Variants in IFT74 observed in about 807,000 individuals in gnomAD.
IFT74 encodes the protein intraflagellar transport 74.
IFT74 carries 92 observed loss-of-function variants against 96.7 expected under a neutral mutation model. The ratio of observed to expected loss-of-function variants is 0.95; its 90% confidence interval spans 0.80 to 1.13. IFT74 has a LOEUF of 1.13. IFT74 is among the 50% of genes most tolerant of loss of function. The pLI, the probability that IFT74 is intolerant of heterozygous loss-of-function variation, is 0.00. For missense variants in IFT74, 811 were observed against 698.2 expected (o/e 1.16, Z -1.82); for synonymous variants, 223 against 213.2 (o/e 1.05, Z -0.40).
intron 2 of IFT74, among the ~76,000 whole-genome samples, chr9:26,966,054 C>T (rs1826597162): frequency 6.6e-6 from 1 of 151,262 alleles, no homozygotes; most frequent in Non-Finnish European, 1.5e-5. Context: ...ACATGTATAC[C>T]ACATTTTCTT....
In IFT74 at chr9:27,016,948, G is replaced by A; in HGVS notation, c.831G>A (p.Leu277=). 6.2e-7 allele frequency: 1 copy of A among 1,610,064 alleles called. No individual in the cohort carries two copies. Among genetic ancestry groups the A allele is most frequent in the Admixed American group, 1.7e-5 (1 of 59,464 alleles). The part of the protein sequence containing the change: ...HSQVKQEAVL[L]HEKLYELESH... ...AGGTGAAACAGGAGGCGGTATTGCT[G>A]CATGAAAAACTTTATGAGTTGGAGT... is the stretch of plus-strand genomic sequence containing the variant. Residue 277 remains leucine, a synonymous_variant, in exon 11 of 20, where the codon CTG becomes CTA. Coordinates refer to ENST00000380062, the MANE Select transcript of IFT74 (RefSeq NM_025103.4).
chr9:27,020,394 A>G (rs1033890352), intron 12 of IFT74, among the ~76,000 whole-genome samples: 1 of 150,702 alleles, frequency 6.6e-6, no homozygotes, highest in Non-Finnish European at 1.5e-5. Flanking sequence ...GCAAATTTCT[A>G]TATTCTTATG....
chr9:26,996,342 A>T, intron 8 of IFT74: 2 of 1,605,148 alleles, frequency 1.2e-6, no homozygotes, highest in Non-Finnish European at 1.7e-6. Flanking sequence ...TCGAAGAGCT[A>T]TTAAATATTG....
Position 27,056,351 on chromosome 9 carries a change from AATG to A in IFT74, c.1518_1520del (p.Met506del). The A allele has an allele frequency of 6.3e-7, 1 of 1,584,736 alleles. No individual in the cohort carries two copies. Among genetic ancestry groups the A allele is most frequent in the Non-Finnish European group, 8.6e-7 (1 of 1,159,432 alleles). ...CTTTCTAGAAATTACATCAGGAGAG[AATG>A]ATATTATCAACCCACAGAAATGCCT... On this transcript the variant is annotated inframe_deletion, in exon 18 of 20. Transcript: ENST00000380062.
At chr9:27,059,159 A>G (rs1381947199) in intron 18 of IFT74, among the ~76,000 whole-genome samples, 1 of 152,196 alleles carries the variant, frequency 6.6e-6, no homozygotes, top group African/African-American at 2.4e-5. Flanking sequence ...ATAACTGGAA[A>G]TCATAACATA....
intron 10 of IFT74, among the ~76,000 whole-genome samples, chr9:27,014,173 C>T (rs112452847): frequency 0.018 from 2,761 of 152,218 alleles, 86 homozygotes; most frequent in African/African-American, 0.062. Context: ...CAAGATCACG[C>T]CACTGCACTC....
intron 12 of IFT74, among the ~76,000 whole-genome samples, chr9:27,027,353 G>C (rs1829914303): frequency 6.6e-6 from 1 of 152,084 alleles, no homozygotes; most frequent in South Asian, 2.1e-4. Flanking sequence ...TCCAGGACCA[G>C]ATGGAGCCAC....
intron 13 of IFT74, among the ~76,000 whole-genome samples, chr9:27,035,378 G>C (rs1016556987): frequency 5.9e-5 from 9 of 152,216 alleles, no homozygotes; most frequent in East Asian, 1.9e-4. Flanking sequence ...TGCTGAAGAA[G>C]AATGAATTAT....
chr9:26,992,311 C>A (rs954851590), intron 8 of IFT74, among the ~76,000 whole-genome samples: 4 of 151,914 alleles, frequency 2.6e-5, no homozygotes, highest in South Asian at 2.1e-4. Context: ...AAGATACATC[C>A]AAACCATTTA....
chr9:27,006,016 G>C lies in IFT74; in HGVS notation c.588-3004G>C, dbSNP rs111799041. ...CCGGCACTGCACCTGGCTAATTTTTGTATTTTTAGTAGAGATGCGGTTTCA... is the reference window on the plus strand; with the variant it reads ...CCGGCACTGCACCTGGCTAATTTTTCTATTTTTAGTAGAGATGCGGTTTCA... On this transcript the variant is annotated intron_variant, in intron 8 of 19. Transcript: ENST00000380062. Among the ~76,000 whole-genome samples the C allele has an allele frequency of 8.6e-5, 13 of 151,944 alleles. 2 individuals carry two copies. The highest frequency in any genetic ancestry group is 3.1e-4 in the African/African-American group (13 of 41,440).
At chr9:26,973,154 A>C (rs973588525) in intron 2 of IFT74, among the ~76,000 whole-genome samples, 1 of 152,192 alleles carries the variant, frequency 6.6e-6, no homozygotes, top group African/African-American at 2.4e-5. Flanking sequence ...GCATCCTTCA[A>C]ATCTATTACT....
intron 8 of IFT74, chr9:26,998,204 A>T (rs934346255): frequency 6.5e-7 from 1 of 1,527,332 alleles, no homozygotes; most frequent in South Asian, 1.3e-5. Context: ...TGCTGGAATC[A>T]AGGTATAATT....
rs1307119396 is a variant in IFT74, at chr9:27,017,157, T to A, written c.933+107T>A. On this transcript the variant is annotated intron_variant, in intron 11 of 19. Transcript: ENST00000380062. ...GCAAGTAGTAAAGCTAGTAAGTGTA[T>A]TGTCTAAAAATAGTTTATGTGAAGA... is the stretch of plus-strand genomic sequence containing the variant. 3.8e-6 allele frequency: 3 copies of A among 796,318 alleles called. No individual in the cohort carries two copies. The African/African-American group carries it at 5.2e-5, about 14-fold the overall frequency. 49.3% of individuals were successfully genotyped at this position (796,318 alleles called of 1,614,324 possible).
intron 2 of IFT74, among the ~76,000 whole-genome samples, chr9:26,973,347 T>A (rs950743022): frequency 2.0e-5 from 3 of 151,982 alleles, no homozygotes; most frequent in Admixed American, 6.6e-5. Flanking sequence ...GTTTAAGGAG[T>A]CCATCTTTAA....
chr9:26,980,481 A>G, intron 3 of IFT74, 90 bp from the exon 4 acceptor site: 1 of 799,276 alleles, frequency 1.3e-6, no homozygotes, highest in Non-Finnish European at 2.3e-6. Context: ...TGTCTTGAGA[A>G]TTGTGGAGTG....
intron 12 of IFT74, among the ~76,000 whole-genome samples, chr9:27,019,248 T>C (rs891767638): frequency 6.6e-6 from 1 of 152,126 alleles, no homozygotes; most frequent in African/African-American, 2.4e-5. Context: ...TGAGCCAGTA[T>C]GCCATGCCCC....
At chr9:26,961,851 G>A (rs1467854150) in intron 1 of IFT74, 98 bp from the exon 2 acceptor site, 3 of 1,325,348 alleles carry the variant, frequency 2.3e-6, no homozygotes, top group Non-Finnish European at 3.2e-6. Flanking sequence ...CAGTTTGCAA[G>A]AACAATTGTT....
intron 12 of IFT74, among the ~76,000 whole-genome samples, 184 bp downstream of exon 12, chr9:27,018,871 A>G (rs1237179412): frequency 6.6e-6 from 1 of 152,206 alleles, no homozygotes; most frequent in African/African-American, 2.4e-5. Context: ...TATACTTTAT[A>G]CCATATAATA....
chr9:26,968,210 G>A (rs1411706700), intron 2 of IFT74, among the ~76,000 whole-genome samples: 1 of 151,450 alleles, frequency 6.6e-6, no homozygotes, highest in African/African-American at 2.4e-5. Flanking sequence ...CAGCAGTGAA[G>A]TCATCAGGTC....
Sources: gnomAD v4.1 joint callset for allele counts (sites outside exome capture counted in the v4.1 genomes callset) on GRCh38, gnomAD v4.1.1 for gene constraint, MANE v1.5 for transcripts, NCBI Gene and HGNC (gene_info 2026-07-23, HGNC 2026-07-21) for gene names.